CCDC141: variants seen among roughly 807,000 people sequenced by gnomAD.
The protein encoded by CCDC141 is coiled-coil domain-containing protein 141.
In CCDC141, 168 loss-of-function variants were observed where a neutral mutation model predicts 181.0. That is an observed-to-expected ratio of 0.93 (90% CI 0.82 to 1.05). The LOEUF (loss-of-function observed/expected upper bound fraction) is 1.05, where lower values mean the gene tolerates loss of function less well. Ranked by LOEUF, CCDC141 falls within the 50% of genes least tolerant of loss-of-function variation. The pLI is 0.00. For synonymous variants in CCDC141, 666 were observed against 642.3 expected (o/e 1.04, Z -0.56); for missense variants, 1,902 against 1,788.5 (o/e 1.06, Z -1.14).
intron 2 of CCDC141, among the ~76,000 whole-genome samples, chr2:178,990,028 A>G (rs1191543765): frequency 6.6e-6 from 1 of 151,372 alleles, no homozygotes; most frequent in Admixed American, 6.6e-5. Flanking sequence ...AATCCCAGCT[A>G]CTCGAGATGC....
At chr2:178,999,354 T>C (rs566472302) in intron 2 of CCDC141, among the ~76,000 whole-genome samples, 70 of 152,226 alleles carry the variant, frequency 4.6e-4, no homozygotes, top group African/African-American at 1.6e-3. Flanking sequence ...AACCCTTTCC[T>C]TTCTCTATTT....
intron 2 of CCDC141, among the ~76,000 whole-genome samples, chr2:178,998,189 G>A (rs1692374913): frequency 6.6e-6 from 1 of 152,192 alleles, no homozygotes; most frequent in Admixed American, 6.5e-5. Context: ...ACAGGGAGCT[G>A]TAGAAAGTAC....
intron 2 of CCDC141, among the ~76,000 whole-genome samples, chr2:178,987,537 C>A (rs1034105665): frequency 2.0e-5 from 3 of 151,840 alleles, no homozygotes. Context: ...AGGCAACCTA[C>A]AACATGGGAG....
chr2:178,896,808 C>T (rs1394260380), intron 8 of CCDC141, among the ~76,000 whole-genome samples: 1 of 152,062 alleles, frequency 6.6e-6, no homozygotes, highest in Non-Finnish European at 1.5e-5. Flanking sequence ...AAAACAGGGA[C>T]AATGATAATA....
rs12468247 is a variant in CCDC141, at chr2:179,009,679, G to C, written c.226-31004C>G. Among the ~76,000 whole-genome samples the C allele has an allele frequency of 1.3e-4, 15 of 111,138 alleles. No individual in the cohort carries two copies. In the Admixed American group the frequency reaches 1.5e-3, roughly 11 times the overall value. 72.9% of individuals were successfully genotyped at this position (111,138 alleles called of 152,430 possible). A position where few individuals can be genotyped will look rare whatever the true frequency, so the allele number is the denominator to read the frequency against. On this transcript the variant is annotated intron_variant, in intron 2 of 23. Coordinates refer to ENST00000443758, the MANE Select transcript of CCDC141 (RefSeq NM_173648.4). ...TCTGGTAGAGTGGCAGGGGTGGGGG[G>C]TGGGGGTGCAGTGGATTCTGTGAGG...
intron 2 of CCDC141, among the ~76,000 whole-genome samples, chr2:178,986,332 T>A (rs552981692): frequency 3.3e-5 from 5 of 152,202 alleles, no homozygotes; most frequent in African/African-American, 1.2e-4. Context: ...TAATAAGAGC[T>A]ATCTATGACA....
At chr2:178,913,489 T>A (rs1187516181) in intron 7 of CCDC141, among the ~76,000 whole-genome samples, 1 of 152,174 alleles carries the variant, frequency 6.6e-6, no homozygotes, top group Non-Finnish European at 1.5e-5. Context: ...AAAATGTGTT[T>A]ATTTTGAAAA....
chr2:178,829,170 T>A (rs1684172233), downstream of CCDC141, among the ~76,000 whole-genome samples: 1 of 152,242 alleles, frequency 6.6e-6, no homozygotes, highest in Admixed American at 6.5e-5. Context: ...AAAATATATT[T>A]TGATTTCACC....
In CCDC141 at chr2:178,958,069, T is replaced by C. The variant is rs185304700; in HGVS notation, c.780+3161A>G. Among the ~76,000 whole-genome samples, 357 of 152,274 alleles carry C rather than the reference T, an allele frequency of 2.3e-3. 3 individuals carry two copies. The highest frequency in any genetic ancestry group is 8.0e-3 in the African/African-American group (332 of 41,560). ...GAAAAGTCCTGTATGATCCTAACTA[T>C]GACATTTTGGACAAGGCAAAACTAT... On this transcript the variant is annotated intron_variant, in intron 5 of 23. Coordinates refer to ENST00000443758, the MANE Select transcript of CCDC141 (RefSeq NM_173648.4).
At chr2:179,046,732 G>A (rs2043510475) in intron 2 of CCDC141, among the ~76,000 whole-genome samples, 1 of 152,112 alleles carries the variant, frequency 6.6e-6, no homozygotes, top group Admixed American at 6.6e-5. Context: ...ATCTTACCTG[G>A]CCTTTATCTG....
chr2:179,039,911 C>G (rs1038940775), intron 2 of CCDC141, among the ~76,000 whole-genome samples: 2 of 152,094 alleles, frequency 1.3e-5, no homozygotes, highest in African/African-American at 4.8e-5. Flanking sequence ...CTTTTGTCAG[C>G]AAATCTGAAA....
At chr2:178,907,748 C>T (rs992754621) in intron 7 of CCDC141, among the ~76,000 whole-genome samples, 1 of 152,130 alleles carries the variant, frequency 6.6e-6, no homozygotes, top group Non-Finnish European at 1.5e-5. Context: ...AATCCCAGCA[C>T]TTTGGGAGGC....
Position 178,997,170 on chromosome 2 carries a change from C to T in CCDC141, c.226-18495G>A, listed in dbSNP as rs183672804. On this transcript the variant is annotated intron_variant, in intron 2 of 23. Coordinates refer to ENST00000443758, the MANE Select transcript of CCDC141 (RefSeq NM_173648.4). ...TTTTGATGTGGAGAAATTGGGTCTC[C>T]GTGATACTTCTTCAGCCTTGGTAAA... is the stretch of plus-strand genomic sequence containing the variant. 4.1e-4 allele frequency among the ~76,000 whole-genome samples: 62 copies of T among 152,178 alleles called. 1 individual carries two copies. In the Middle Eastern group the frequency reaches 0.01, roughly 25 times the overall value.
chr2:178,961,158 C>A, intron 5 of CCDC141, 72 bp downstream of exon 5: 1 of 1,473,064 alleles, frequency 6.8e-7, no homozygotes, highest in South Asian at 1.4e-5. Flanking sequence ...CAAACTGCCC[C>A]AGGGAATGGT....
chr2:178,864,644 T>C (rs2154368454), intron 17 of CCDC141, among the ~76,000 whole-genome samples: 1 of 152,320 alleles, frequency 6.6e-6, no homozygotes, highest in Admixed American at 6.5e-5. Context: ...CCTCTGGTTT[T>C]CCTTCCAGCC....
intron 6 of CCDC141, among the ~76,000 whole-genome samples, chr2:178,934,252 T>C (rs867261726): frequency 1.3e-5 from 2 of 152,140 alleles, no homozygotes; most frequent in Non-Finnish European, 2.9e-5. Flanking sequence ...GGGAGTTCTA[T>C]TATACGAACA....
intron 2 of CCDC141, among the ~76,000 whole-genome samples, chr2:178,985,229 C>T (rs1187259865): frequency 0.014 from 2,083 of 150,810 alleles, 22 homozygotes; most frequent in African/African-American, 0.042. Context: ...GGGTACATAA[C>T]GAAATGAAGG....
intron 2 of CCDC141, among the ~76,000 whole-genome samples, chr2:179,023,309 T>A (rs1425226383): frequency 6.6e-6 from 1 of 152,072 alleles, no homozygotes; most frequent in Non-Finnish European, 1.5e-5. Context: ...ATTTCACAGA[T>A]GAGGAAACTG....
rs146024093 is a variant in CCDC141 at position 178,843,191 on chromosome 2, G to C, written c.3474+2435C>G. Among the ~76,000 whole-genome samples, 12 of 152,254 alleles carry C rather than the reference G, an allele frequency of 7.9e-5. No homozygotes were observed. In the East Asian group the frequency reaches 2.3e-3, roughly 30 times the overall value. ...CTGGGAGCTCCCATTTTGGTCTTGC[G>C]GGAAAAGTGTATGGCTAAAATTCAG... On this transcript the variant is annotated intron_variant, in intron 22 of 23. Coordinates refer to ENST00000443758, the MANE Select transcript of CCDC141 (RefSeq NM_173648.4).
Sources: gnomAD v4.1 joint callset for allele counts (sites outside exome capture counted in the v4.1 genomes callset) on GRCh38, gnomAD v4.1.1 for gene constraint, MANE v1.5 for transcripts, NCBI Gene and HGNC (gene_info 2026-07-23, HGNC 2026-07-21) for gene names.